FBXO3: variants seen among roughly 807,000 people sequenced by gnomAD.
FBXO3 encodes F-box protein 3.
FBXO3 carries 17 observed loss-of-function variants against 64.8 expected under a neutral mutation model. The observed-to-expected ratio is 0.26, with a 90% CI of 0.18 to 0.39. FBXO3 has a LOEUF of 0.39. FBXO3 is among the 10% of genes least tolerant of loss of function. The pLI is 1.00. For missense variants in FBXO3, 420 were observed against 589.9 expected (o/e 0.71, Z 2.98); for synonymous variants, 182 against 201.6 (o/e 0.90, Z 0.82).
chr11:33,772,318 CAATTT>C (rs1855530049), intron 1 of FBXO3: 1 of 152,196 alleles, frequency 6.6e-6, no homozygotes, highest in Non-Finnish European at 1.5e-5. Context: ...GTATTCAACT[CAATTT>C]ATTTCCACAG....
At chr11:33,768,754 A>C in intron 3 of FBXO3, 97 bp downstream of exon 3, 1 of 1,430,202 alleles carries the variant, frequency 7.0e-7, no homozygotes, top group Non-Finnish European at 9.9e-7. Flanking sequence ...TTGGGTTAAC[A>C]CAGTTGCGTA....
At chr11:33,758,918 A>C (rs1025156094) in intron 3 of FBXO3, among the ~76,000 whole-genome samples, 1 of 130,298 alleles carries the variant, frequency 7.7e-6, no homozygotes, top group Non-Finnish European at 1.7e-5. Context: ...ATACTGCTTT[A>C]TTTAAAATAA....
At chr11:33,757,447 CTAA>C (rs909275862) in intron 4 of FBXO3, among the ~76,000 whole-genome samples, 4 of 136,730 alleles carry the variant, frequency 2.9e-5, no homozygotes, top group East Asian at 4.2e-4. Context: ...GACCCCATCT[CTAA>C]TAATAATAAT....
intron 6 of FBXO3, 28 bp from the exon 7 acceptor site, chr11:33,751,635 GA>G (rs768759463): frequency 1.5e-6 from 2 of 1,359,802 alleles, no homozygotes; most frequent in Non-Finnish European, 2.1e-6. Context: ...GAGAAAAAAA[GA>G]AAAGAACAAA....
chr11:33,749,428 T>C (rs1424726319), intron 8 of FBXO3, among the ~76,000 whole-genome samples: 1 of 151,570 alleles, frequency 6.6e-6, no homozygotes, highest in Non-Finnish European at 1.5e-5. Context: ...GGTGTAATCT[T>C]GGGCTCACTG....
chr11:33,752,837 T>C (rs1249269773), intron 6 of FBXO3, among the ~76,000 whole-genome samples: 2 of 152,196 alleles, frequency 1.3e-5, no homozygotes, highest in Non-Finnish European at 2.9e-5. Flanking sequence ...GGAAAAAAGT[T>C]ATATAACTAA....
At chr11:33,750,457 C>T (rs1854926262) in intron 8 of FBXO3, 82 bp downstream of exon 8, 2 of 1,486,754 alleles carry the variant, frequency 1.3e-6, no homozygotes, top group South Asian at 2.5e-5. Context: ...TCTTACATAT[C>T]ATGTCAAATG....
At chr11:33,774,235 C>T (rs1855583071) in intron 1 of FBXO3, 159 bp downstream of exon 1, 2 of 628,044 alleles carry the variant, frequency 3.2e-6, no homozygotes, top group South Asian at 2.0e-5. Flanking sequence ...CCCGTCTCGC[C>T]CCGGTCCCCG....
intron 7 of FBXO3, 52 bp from the exon 8 acceptor site, chr11:33,750,713 A>T: frequency 1.3e-6 from 2 of 1,535,562 alleles, no homozygotes; most frequent in Non-Finnish European, 1.8e-6. Context: ...GATTTAAAAG[A>T]TACGATGCAA....
At chr11:33,752,245 A>G (rs938752071) in intron 6 of FBXO3, among the ~76,000 whole-genome samples, 6 of 152,198 alleles carry the variant, frequency 3.9e-5, no homozygotes, top group Admixed American at 1.3e-4. Context: ...TCCAGACCAT[A>G]TATCTGTGAT....
intron 3 of FBXO3, among the ~76,000 whole-genome samples, chr11:33,765,917 C>T (rs1343090918): frequency 6.6e-6 from 1 of 152,138 alleles, no homozygotes; most frequent in African/African-American, 2.4e-5. Flanking sequence ...TGCCACCATG[C>T]TTTTTGTACA....
At position 33,769,099 on chromosome 11, in the gene FBXO3, G is replaced by A. The variant is rs1292042822; in HGVS notation, c.195-85C>T. 4 of 1,118,550 alleles carry A rather than the reference G, an allele frequency of 3.6e-6. No individual in the cohort carries two copies. In the Admixed American group the frequency reaches 1.1e-4, roughly 30 times the overall value. The allele number at this position is 1,118,550 out of a possible 1,614,324, so 69.3% of individuals were successfully genotyped here. A position where few individuals can be genotyped will look rare whatever the true frequency, so the allele number is the denominator to read the frequency against. ...AGATACCTACAACATATAGAAACTT[G>A]TACTTTTCCCTTCCTTTTCATTATA... On this transcript the variant is annotated intron_variant, in intron 2 of 10. Transcript: ENST00000265651.
chr11:33,768,347 T>C (rs1855427260), intron 3 of FBXO3, among the ~76,000 whole-genome samples: 1 of 152,206 alleles, frequency 6.6e-6, no homozygotes, highest in Admixed American at 6.5e-5. Context: ...AGTTCTACTA[T>C]TTTGCAAATG....
intron 6 of FBXO3, 68 bp from the exon 7 acceptor site, chr11:33,751,675 A>T: frequency 1.2e-6 from 1 of 863,912 alleles, no homozygotes; most frequent in Non-Finnish European, 1.8e-6. Context: ...ACAGGAAACA[A>T]TTGTAATTCC....
intron 3 of FBXO3, among the ~76,000 whole-genome samples, chr11:33,764,650 A>C (rs1375308340): frequency 1.3e-5 from 2 of 152,140 alleles, no homozygotes; most frequent in East Asian, 1.9e-4. Flanking sequence ...GCACTAACCT[A>C]ATACAAAATA....
chr11:33,751,798 T>C (rs1446072775), intron 6 of FBXO3, among the ~76,000 whole-genome samples, 191 bp from the exon 7 acceptor site: 1 of 152,260 alleles, frequency 6.6e-6, no homozygotes, highest in East Asian at 1.9e-4. Context: ...TTCCTTGGGA[T>C]TCTCCCCCTC....
intron 6 of FBXO3, among the ~76,000 whole-genome samples, chr11:33,752,691 G>A (rs1454484740): frequency 6.6e-6 from 1 of 152,110 alleles, no homozygotes. Context: ...CACTGATCAT[G>A]TACCTACTTT....
Position 33,748,868 on chromosome 11 carries a change from A to C in FBXO3, c.957T>G (p.Leu319=). The change falls in exon 9 of 11, where the codon CTT becomes CTG. Residue 319 remains leucine (L), a synonymous_variant. Transcript: ENST00000265651. ...TGTCCAACTGACAGGCCTTCTCAGG[A>C]AGTGCATCTTTTGACATTTCAATCC... ...RIRIEMSKDA[L]PEKACQLDSR... 3 of 1,613,504 alleles carry C rather than the reference A, an allele frequency of 1.9e-6. No homozygotes were observed. Among genetic ancestry groups the C allele is most frequent in the Non-Finnish European group, 2.5e-6 (3 of 1,179,554 alleles).
chr11:33,752,075 A>C (rs1590568165), intron 6 of FBXO3, among the ~76,000 whole-genome samples: 1 of 152,366 alleles, frequency 6.6e-6, no homozygotes, highest in East Asian at 1.9e-4. Context: ...AGCCAGGCTC[A>C]GTCTGGACAT....
Sources: allele counts gnomAD v4.1 joint callset (sites outside exome capture counted in the v4.1 genomes callset), GRCh38; gene constraint gnomAD v4.1.1; transcripts MANE v1.5; gene names NCBI Gene and HGNC (gene_info 2026-07-23, HGNC 2026-07-21).